EVI5: variants seen among roughly 807,000 people sequenced by gnomAD.
The protein encoded by EVI5 is ecotropic viral integration site 5 protein homolog.
EVI5 carries 73 observed loss-of-function variants against 112.0 expected under a neutral mutation model. That is an observed-to-expected ratio of 0.65 (90% CI 0.54 to 0.79). The LOEUF (loss-of-function observed/expected upper bound fraction) is 0.79. Among genes scored for constraint, EVI5 ranks in the 30% least tolerant of loss-of-function variants. The pLI, the probability that EVI5 is intolerant of heterozygous loss-of-function variation, is 0.00. For missense variants in EVI5, 900 were observed against 968.8 expected (o/e 0.93, Z 0.94); for synonymous variants, 305 against 319.9 (o/e 0.95, Z 0.50).
At chr1:92,775,167 C>T (rs866775535) in intron 1 of EVI5, among the ~76,000 whole-genome samples, 1 of 152,194 alleles carries the variant, frequency 6.6e-6, no homozygotes, top group African/African-American at 2.4e-5. Flanking sequence ...GTGGCTCACG[C>T]CTGTAATCCC....
chr1:92,684,159 C>T (rs1278131590), intron 9 of EVI5, among the ~76,000 whole-genome samples: 4 of 152,136 alleles, frequency 2.6e-5, no homozygotes, highest in African/African-American at 9.7e-5. Flanking sequence ...AGAGAAAGGT[C>T]GGGTTACCCA....
chr1:92,791,748 CAAA>C (rs534195216), intron 1 of EVI5, among the ~76,000 whole-genome samples: 8 of 138,622 alleles, frequency 5.8e-5, no homozygotes, highest in Admixed American at 7.3e-5. Flanking sequence ...CCACCTCCAC[CAAA>C]AAAAAAAAAA....
rs1435053803 is a variant in EVI5, at chr1:92,510,356, T to C, written c.*3300A>G. 1 of 152,206 alleles carries C rather than the reference T, an allele frequency of 6.6e-6. No homozygotes were observed. Among genetic ancestry groups the C allele is most frequent in the Non-Finnish European group, 1.5e-5 (1 of 68,042 alleles). 9.4% of individuals were successfully genotyped at this position (152,206 alleles called of 1,614,324 possible). A position where few individuals can be genotyped will look rare whatever the true frequency, so the allele number is the denominator to read the frequency against. On this transcript the variant is annotated 3_prime_UTR_variant, in exon 20 of 20. Transcript: ENST00000684568. ...GGGATTCTGGAGTTCTTTCCTTTCT[T>C]TCTCCTTCTCCAAAGATACAGATAT...
upstream of EVI5, among the ~76,000 whole-genome samples, chr1:92,789,159 G>C (rs139925444): frequency 6.6e-6 from 1 of 151,980 alleles, no homozygotes; most frequent in Admixed American, 6.6e-5. Context: ...CTACTAGATC[G>C]AGAGCTTCAC....
intron 1 of EVI5, among the ~76,000 whole-genome samples, chr1:92,771,462 C>G (rs1332524118): frequency 6.6e-6 from 1 of 152,068 alleles, no homozygotes; most frequent in Non-Finnish European, 1.5e-5. Flanking sequence ...CAGCCTATAA[C>G]AGATACATAG....
chr1:92,572,665 C>G (rs1415956723), intron 18 of EVI5, among the ~76,000 whole-genome samples: 1 of 152,020 alleles, frequency 6.6e-6, no homozygotes, highest in East Asian at 1.9e-4. Context: ...AATGATACCA[C>G]CCTAACTCCA....
chr1:92,645,189 C>T (rs1272314296), intron 13 of EVI5, among the ~76,000 whole-genome samples: 1 of 152,108 alleles, frequency 6.6e-6, no homozygotes, highest in African/African-American at 2.4e-5. Flanking sequence ...CATTCCTAAA[C>T]ACATACAATC....
chr1:92,634,218 AT>A (rs1420124764), intron 14 of EVI5, among the ~76,000 whole-genome samples: 1 of 152,068 alleles, frequency 6.6e-6, no homozygotes, highest in East Asian at 1.9e-4. Context: ...CTGAATTTGA[AT>A]GTTGGCCTGC....
rs1052049563 is a variant in EVI5, at chr1:92,543,047, G to C, written c.2166+20595C>G. 2.6e-5 allele frequency among the ~76,000 whole-genome samples: 4 copies of C among 152,144 alleles called. No individual in the cohort carries two copies. In the East Asian group the frequency reaches 7.7e-4, roughly 29 times the overall value. ...AATGTGCACTTGGCTTCAACTTAAA[G>C]TCAACAGCTGCATTAGGCCCTAACG... On this transcript the variant is annotated intron_variant, in intron 19 of 19. Transcript: ENST00000684568.
At chr1:92,558,009 AT>A (rs1425646500) in intron 19 of EVI5, among the ~76,000 whole-genome samples, 1 of 152,190 alleles carries the variant, frequency 6.6e-6, no homozygotes, top group Non-Finnish European at 1.5e-5. Flanking sequence ...AAGTGCTGGG[AT>A]TATAGGCATG....
intron 6 of EVI5, among the ~76,000 whole-genome samples, chr1:92,696,735 G>GT (rs901990548): frequency 2.6e-5 from 4 of 151,782 alleles, no homozygotes; most frequent in African/African-American, 9.7e-5. Flanking sequence ...TACAACTATT[G>GT]TATGTCAATT....
intron 1 of EVI5, among the ~76,000 whole-genome samples, chr1:92,743,622 T>A (rs551810534): frequency 1.3e-5 from 2 of 152,160 alleles, no homozygotes; most frequent in South Asian, 4.1e-4. Flanking sequence ...AATATGAATA[T>A]ACTTAATTAT....
chr1:92,753,741 T>C (rs1680523573), intron 1 of EVI5, among the ~76,000 whole-genome samples: 1 of 152,180 alleles, frequency 6.6e-6, no homozygotes, highest in South Asian at 2.1e-4. Context: ...AATTTTGGAA[T>C]CTAATTTTGG....
chr1:92,638,967 G>A (rs930793391), intron 13 of EVI5, among the ~76,000 whole-genome samples: 1 of 152,074 alleles, frequency 6.6e-6, no homozygotes, highest in Non-Finnish European at 1.5e-5. Context: ...CTAGAAGAGT[G>A]CATTTCATAT....
chr1:92,792,219 G>T (rs1011692009), intron 1 of EVI5: 7 of 638,864 alleles, frequency 1.1e-5, no homozygotes, highest in Non-Finnish European at 1.9e-5. Flanking sequence ...TTAACAAGCT[G>T]TTCCTGTGTT....
At chr1:92,737,851 C>G (rs185183436) in intron 1 of EVI5, among the ~76,000 whole-genome samples, 1 of 152,300 alleles carries the variant, frequency 6.6e-6, no homozygotes, top group Admixed American at 6.5e-5. Flanking sequence ...GACAAAGATT[C>G]CATTACAAGT....
At chr1:92,575,791 T>C (rs1191854887) in intron 18 of EVI5, among the ~76,000 whole-genome samples, 1 of 152,020 alleles carries the variant, frequency 6.6e-6, no homozygotes, top group Non-Finnish European at 1.5e-5. Flanking sequence ...CTCAAATTCC[T>C]GACCTCAAGT....
At chr1:92,713,714 T>A (rs1673184023) in intron 2 of EVI5, among the ~76,000 whole-genome samples, 1 of 151,960 alleles carries the variant, frequency 6.6e-6, no homozygotes, top group Admixed American at 6.6e-5. Flanking sequence ...GAGGCAGAGG[T>A]TGCAGTGAGC....
intron 9 of EVI5, among the ~76,000 whole-genome samples, chr1:92,689,398 T>C (rs1295413048): frequency 6.6e-6 from 1 of 152,306 alleles, no homozygotes; most frequent in East Asian, 1.9e-4. Context: ...GGTCTCACTC[T>C]GTCACTCAGG....
Sources: gnomAD v4.1 joint callset for allele counts (sites outside exome capture counted in the v4.1 genomes callset) on GRCh38, gnomAD v4.1.1 for gene constraint, MANE v1.5 for transcripts, NCBI Gene and HGNC (gene_info 2026-07-23, HGNC 2026-07-21) for gene names.